The following LRRC9 variants were observed in gnomAD, a reference collection of about 807,000 sequenced individuals.
LRRC9 encodes the protein leucine rich repeat containing 9.
In LRRC9, 122 loss-of-function variants were observed where a neutral mutation model predicts 63.2. The ratio of observed to expected loss-of-function variants is 1.93; its 90% CI spans 1.67 to 2.24. The LOEUF (loss-of-function observed/expected upper bound fraction) is 2.24. Ranked by LOEUF, LRRC9 falls within the 30% of genes most tolerant of loss-of-function variation. LRRC9 has a pLI of 0.00. For missense variants in LRRC9, 1,071 were observed against 627.7 expected (o/e 1.71, Z -7.55); for synonymous variants, 366 against 213.1 (o/e 1.72, Z -6.25).
chr14:60,039,897 A>G (rs1461787214), intron 29 of LRRC9, among the ~76,000 whole-genome samples: 1 of 152,074 alleles, frequency 6.6e-6, no homozygotes, highest in Non-Finnish European at 1.5e-5. Flanking sequence ...TCCTGTGTAC[A>G]TTTAGTGCTA....
At chr14:60,022,492 T>G (rs891304837) in intron 26 of LRRC9, among the ~76,000 whole-genome samples, 1 of 151,990 alleles carries the variant, frequency 6.6e-6, no homozygotes, top group African/African-American at 2.4e-5. Context: ...CTTGCCTGAT[T>G]GCATTTTCTA....
intron 12 of LRRC9, among the ~76,000 whole-genome samples, chr14:59,970,331 C>T (rs1010884112): frequency 3.3e-5 from 5 of 152,020 alleles, no homozygotes; most frequent in African/African-American, 7.2e-5. Context: ...TTTCTTTATC[C>T]AGTCTAAGCA....
In LRRC9 at chr14:59,923,150, A is replaced by C. The variant is rs1888924513; in HGVS notation, c.-34+3267A>C. ...TCAGTAACTTCATCTGGAACCCTTG[A>C]GTCCATTTGTGACTGGAGAAAACAT... On this transcript the variant is annotated intron_variant, in intron 1 of 31. Coordinates refer to ENST00000445360, the Ensembl canonical transcript of LRRC9. The surrounding 1 kb of genome is among the most constrained non-coding windows in gnomAD (Gnocchi z 4.2). 6.6e-6 allele frequency among the ~76,000 whole-genome samples: 1 copy of C among 152,236 alleles called. No individual in the cohort carries two copies. The highest frequency in any genetic ancestry group is 6.5e-5 in the Admixed American group (1 of 15,288).
At chr14:59,954,693 T>C (rs925037234) in intron 8 of LRRC9, among the ~76,000 whole-genome samples, 1 of 152,226 alleles carries the variant, frequency 6.6e-6, no homozygotes, top group African/African-American at 2.4e-5. Context: ...CTTCCAATAC[T>C]ATGTTGAATA....
chr14:60,014,936 A>G (rs1200011122), intron 23 of LRRC9, among the ~76,000 whole-genome samples: 6 of 152,254 alleles, frequency 3.9e-5, no homozygotes, highest in Middle Eastern at 3.4e-3. Flanking sequence ...AATACAGGAT[A>G]TGCCCATCTT....
intron 8 of LRRC9, among the ~76,000 whole-genome samples, chr14:59,953,268 C>T (rs748859019): frequency 2.0e-5 from 3 of 152,198 alleles, no homozygotes; most frequent in Non-Finnish European, 4.4e-5. Flanking sequence ...AATTTACACT[C>T]CCACCAACAG....
In LRRC9 at chr14:60,006,465, C is replaced by CA; in HGVS notation, c.2912dup (p.His971GlnfsTer4). On this transcript the variant is annotated frameshift_variant, in exon 22 of 32. Transcript: ENST00000445360. LOFTEE classifies it high-confidence loss of function. ...TAATCTTCTCACTGGTTGGGAAGAG[C>CA]ATACCTTTGATAACATGCTTCATCT... is the stretch of plus-strand genomic sequence containing the variant. 1.4e-6 allele frequency: 1 copy of CA among 701,878 alleles called. No individual in the cohort carries two copies. The highest frequency in any genetic ancestry group is 1.5e-5 in the South Asian group (1 of 67,476). 43.5% of individuals were successfully genotyped at this position (701,878 alleles called of 1,614,324 possible). A position where few individuals can be genotyped will look rare whatever the true frequency, so the allele number is the denominator to read the frequency against.
Position 59,988,848 on chromosome 14 carries a change from C to G in LRRC9, c.2211+3624C>G, listed in dbSNP as rs535189513. ...TATTATAGATCATAGGAATAATATC[C>G]CTTCAGTTACTGAATGTTAATAACA... On this transcript the variant is annotated intron_variant, in intron 17 of 31. Transcript: ENST00000445360. Among the ~76,000 whole-genome samples the G allele has an allele frequency of 5.3e-5, 8 of 152,080 alleles. No homozygotes were observed. In the South Asian group the frequency reaches 1.7e-3, roughly 32 times the overall value.
At chr14:59,939,656 A>G (rs971977759) in intron 7 of LRRC9, among the ~76,000 whole-genome samples, 8 of 151,996 alleles carry the variant, frequency 5.3e-5, no homozygotes, top group Admixed American at 1.3e-4. Context: ...ATTGAATATT[A>G]AGTACAGAGG....
At chr14:59,935,051 C>T (rs1478403674) in intron 6 of LRRC9, among the ~76,000 whole-genome samples, 2 of 150,942 alleles carry the variant, frequency 1.3e-5, no homozygotes, top group African/African-American at 4.9e-5. Flanking sequence ...TTTGGGAGGC[C>T]GAGGCGGGCG....
chr14:59,920,979 G>C (rs960832480), intron 1 of LRRC9, among the ~76,000 whole-genome samples: 9 of 152,206 alleles, frequency 5.9e-5, no homozygotes, highest in Non-Finnish European at 1.3e-4. Flanking sequence ...TTGTTTTACA[G>C]TGTGACAAGT....
At position 59,960,020 on chromosome 14, in the gene LRRC9, T is replaced by A. The variant is rs1311621846; in HGVS notation, c.1079+6T>A. On this transcript the variant is annotated splice_donor_region_variant and intron_variant, in intron 9 of 31. Transcript: ENST00000445360. ...TGGAACAAAAAACTAGATGAGTATG[T>A]TTAATTAATTATCTAGTTGTTCTGA... is the stretch of plus-strand genomic sequence containing the variant. 1.6e-6 allele frequency: 1 copy of A among 644,200 alleles called. No individual in the cohort carries two copies. 39.9% of individuals were successfully genotyped at this position (644,200 alleles called of 1,614,324 possible).
rs1889578309 is a variant in LRRC9 at position 60,003,725 on chromosome 14, A to G, written c.2769A>G (p.Lys923=). 1 of 696,100 alleles carries G rather than the reference A, an allele frequency of 1.4e-6. No individual in the cohort carries two copies. The highest frequency in any genetic ancestry group is 2.6e-6 in the Non-Finnish European group (1 of 382,828). The allele number at this position is 696,100 out of a possible 1,614,324, so 43.1% of individuals were successfully genotyped here. ...CATTCAGCAATAATAATCTCACTAA[A>G]ATGGAGGGTCTGGAATCCTGTATTA... The change falls in exon 21 of 32, where the codon AAA becomes AAG. Residue 923 remains lysine, a synonymous_variant. Transcript: ENST00000445360. This position sits in a 1 kb window ranked among gnomAD's most constrained non-coding sequence, Gnocchi z 4.2.
chr14:59,980,461 T>A (rs935419954), intron 15 of LRRC9, among the ~76,000 whole-genome samples: 7 of 152,182 alleles, frequency 4.6e-5, no homozygotes, highest in African/African-American at 1.7e-4. Context: ...TTTAAACTTT[T>A]TTTGACTATT....
chr14:60,026,555 C>A (rs1891569865), intron 27 of LRRC9, among the ~76,000 whole-genome samples: 1 of 152,050 alleles, frequency 6.6e-6, no homozygotes, highest in Admixed American at 6.6e-5. Context: ...GTTTCCTTTG[C>A]TGTTCAGGAG....
chr14:59,940,333 T>C (rs914518798), intron 7 of LRRC9, among the ~76,000 whole-genome samples: 3 of 152,144 alleles, frequency 2.0e-5, no homozygotes, highest in Non-Finnish European at 2.9e-5. Flanking sequence ...TGGATTGATA[T>C]AGATTTATAA....
chr14:60,007,099 T>C (rs1889871436), intron 22 of LRRC9, among the ~76,000 whole-genome samples: 1 of 152,236 alleles, frequency 6.6e-6, no homozygotes, highest in African/African-American at 2.4e-5. Context: ...TGTGACTTCA[T>C]TGTTTCTAAA....
chr14:60,000,798 G>A (rs545207692), intron 19 of LRRC9, among the ~76,000 whole-genome samples: 1 of 152,034 alleles, frequency 6.6e-6, no homozygotes, highest in Admixed American at 6.5e-5. Context: ...TTTTTTCAAA[G>A]AAAGTGAAAA....
intron 25 of LRRC9, among the ~76,000 whole-genome samples, 196 bp from the exon 26 acceptor site, chr14:60,018,925 T>G (rs1890908313): frequency 6.6e-6 from 1 of 151,940 alleles, no homozygotes; most frequent in Admixed American, 6.6e-5. Flanking sequence ...TTCTAGGGTC[T>G]CCATGTGAAG....
Sources: allele counts gnomAD v4.1 joint callset (sites outside exome capture counted in the v4.1 genomes callset), GRCh38; gene constraint gnomAD v4.1.1; non-coding constraint Gnocchi (gnomAD v3.1); transcripts MANE v1.5; gene names NCBI Gene and HGNC (gene_info 2026-07-23, HGNC 2026-07-21).